Variants in PLB1 observed in about 807,000 individuals in gnomAD.
The protein encoded by PLB1 is phospholipase B1, also known as phospholipase B1, membrane-associated.
In PLB1, 242 loss-of-function variants were observed where a neutral mutation model predicts 227.4. That is an observed-to-expected ratio of 1.06 (90% CI 0.96 to 1.18). The LOEUF (loss-of-function observed/expected upper bound fraction) is 1.18, where lower values mean the gene tolerates loss of function less well. PLB1 is among the 50% of genes most tolerant of loss of function. PLB1 has a pLI of 0.00. For synonymous variants in PLB1, 757 were observed against 682.2 expected (o/e 1.11, Z -1.71); for missense variants, 1,858 against 1,816.3 (o/e 1.02, Z -0.42).
chr2:28,643,091 C>T lies in PLB1; in HGVS notation c.*30C>T, dbSNP rs1690151209. On this transcript the variant is annotated 3_prime_UTR_variant, in exon 58 of 58. Coordinates refer to ENST00000327757, the MANE Select transcript of PLB1 (RefSeq NM_153021.5). ...GGGGGTGGGTCCTCACCCTAAACTC[C>T]CTATAGCCACTCTCTTCACCGCCCT... is the stretch of plus-strand genomic sequence containing the variant. 3.9e-6 allele frequency: 6 copies of T among 1,535,368 alleles called. No individual in the cohort carries two copies. The highest frequency in any genetic ancestry group is 1.4e-5 in the African/African-American group (1 of 73,324).
intron 47 of PLB1, 120 bp from the exon 48 acceptor site, chr2:28,620,480 G>C (rs779739814): frequency 4.7e-5 from 66 of 1,394,628 alleles, no homozygotes; most frequent in Non-Finnish European, 6.4e-5. Context: ...TTACCCCTGA[G>C]GGTGATGGGA....
chr2:28,611,289 A>G (rs1369489895), intron 43 of PLB1, among the ~76,000 whole-genome samples: 2 of 152,102 alleles, frequency 1.3e-5, no homozygotes. Flanking sequence ...AATAGATTCA[A>G]TGAAACACAT....
chr2:28,578,110 T>G lies in PLB1; in HGVS notation c.1437T>G (p.Asp479Glu), dbSNP rs765720363. 1 of 1,614,068 alleles carries G rather than the reference T, an allele frequency of 6.2e-7. No individual in the cohort carries two copies. Among genetic ancestry groups the G allele is most frequent in the Non-Finnish European group, 8.5e-7 (1 of 1,179,952 alleles). Residue 479 changes from aspartate to glutamate, a missense_variant, in exon 22 of 58, where the codon GAT (aspartate) becomes GAG (glutamate). Asp to Glu is a conservative substitution (Grantham distance 45). Transcript: ENST00000327757. ...NQAVAGGRAEDLPVQARRLVD... is the reference protein window; with the variant it reads ...NQAVAGGRAEELPVQARRLVD... ...TTCCTCTGGTATGTTTCCACAGGGA[T>G]CTACCTGTCCAGGCCAGGAGGCTGG...
At chr2:28,565,419 G>A in intron 19 of PLB1, 66 bp downstream of exon 19, 3 of 1,439,470 alleles carry the variant, frequency 2.1e-6, no homozygotes, top group Non-Finnish European at 2.9e-6. Flanking sequence ...CCCCCTGAGT[G>A]TTCTAGAAAA....
At chr2:28,638,176 G>A (rs758220296) in intron 56 of PLB1, among the ~76,000 whole-genome samples, 1 of 151,870 alleles carries the variant, frequency 6.6e-6, no homozygotes, top group African/African-American at 2.4e-5. Flanking sequence ...GGTCATTTCT[G>A]ACCACATCTG....
At chr2:28,570,011 A>G (rs1369785355) in intron 20 of PLB1, among the ~76,000 whole-genome samples, 1 of 151,874 alleles carries the variant, frequency 6.6e-6, no homozygotes, top group Non-Finnish European at 1.5e-5. Flanking sequence ...ATAGATTTAT[A>G]ACAAGCAAAG....
chr2:28,585,466 G>A (rs545602072), intron 25 of PLB1: 7 of 298,116 alleles, frequency 2.3e-5, no homozygotes, highest in South Asian at 7.5e-5. Context: ...TAGTAGAGAC[G>A]GGGTTTCGCT....
chr2:28,519,046 A>G (rs1669179523), intron 3 of PLB1, among the ~76,000 whole-genome samples: 1 of 152,164 alleles, frequency 6.6e-6, no homozygotes, highest in Admixed American at 6.5e-5. Flanking sequence ...TAAGGACTTT[A>G]GGTTGAAAAA....
chr2:28,580,157 A>G (rs1415645372), intron 23 of PLB1, among the ~76,000 whole-genome samples: 2 of 152,190 alleles, frequency 1.3e-5, no homozygotes, highest in Non-Finnish European at 2.9e-5. Context: ...TGGGAAACCC[A>G]AGATCAAGGC....
intron 11 of PLB1, among the ~76,000 whole-genome samples, chr2:28,540,130 C>T (rs1450173110): frequency 2.0e-5 from 3 of 150,386 alleles, no homozygotes; most frequent in African/African-American, 7.3e-5. Flanking sequence ...AACGTCCCTC[C>T]ATCCAATACC....
At chr2:28,510,604 T>G (rs1668121092) in intron 1 of PLB1, among the ~76,000 whole-genome samples, 1 of 144,956 alleles carries the variant, frequency 6.9e-6, no homozygotes, top group Admixed American at 7.4e-5. Flanking sequence ...TGATTGTTTT[T>G]TCTTTTTTCT....
chr2:28,634,936 T>C (rs1188685346), intron 56 of PLB1, among the ~76,000 whole-genome samples: 1 of 151,634 alleles, frequency 6.6e-6, no homozygotes, highest in Non-Finnish European at 1.5e-5. Context: ...AAAAAAAATA[T>C]ATGTAGCTCT....
chr2:28,604,903 C>A (rs574644602), intron 41 of PLB1, 144 bp downstream of exon 41: 8 of 716,598 alleles, frequency 1.1e-5, no homozygotes, highest in Admixed American at 1.1e-4. Context: ...GCTCCCTGAA[C>A]GCCTGAGCCA....
At position 28,543,281 on chromosome 2, in the gene PLB1, G is replaced by T. The variant is rs1672759888; in HGVS notation, c.936+13G>T. On this transcript the variant is annotated intron_variant, in intron 14 of 57. Transcript: ENST00000327757. ...CTGGAATAGGATGGTGAGTAGATGG[G>T]GCCTGGGGTGGGGCCCACAGAGGAG... is the stretch of plus-strand genomic sequence containing the variant. 2 of 1,609,872 alleles carry T rather than the reference G, an allele frequency of 1.2e-6. No individual in the cohort carries two copies. The highest frequency in any genetic ancestry group is 1.7e-6 in the Non-Finnish European group (2 of 1,178,324).
intron 34 of PLB1, 30 bp from the exon 35 acceptor site, chr2:28,598,622 C>A: frequency 6.4e-7 from 1 of 1,553,178 alleles, no homozygotes; most frequent in South Asian, 1.1e-5. Context: ...TGTTCTGAGC[C>A]GTCTGCATCC....
intron 56 of PLB1, among the ~76,000 whole-genome samples, chr2:28,636,417 G>T (rs1313149774): frequency 6.6e-6 from 1 of 151,946 alleles, no homozygotes; most frequent in Non-Finnish European, 1.5e-5. Flanking sequence ...AAAATTCTTT[G>T]GTATATTTAA....
At position 28,582,514 on chromosome 2, in the gene PLB1, G is replaced by T; in HGVS notation, c.1733+9G>T. On this transcript the variant is annotated intron_variant, in intron 25 of 57. Coordinates refer to ENST00000327757, the MANE Select transcript of PLB1 (RefSeq NM_153021.5). ...CCAAGGATGATCCTCAGGTCAGACA[G>T]ATACTTCTCCCCGATTCTACTAAGA... is the stretch of plus-strand genomic sequence containing the variant. 1 of 1,584,382 alleles carries T rather than the reference G, an allele frequency of 6.3e-7. No individual in the cohort carries two copies.
chr2:28,592,436 T>C (rs978231158), intron 31 of PLB1, among the ~76,000 whole-genome samples: 2 of 151,608 alleles, frequency 1.3e-5, no homozygotes, highest in African/African-American at 4.8e-5. Context: ...TCTCCCTCCT[T>C]CTCCCTCTCT....
At chr2:28,591,031 G>A (rs1387102688) in intron 29 of PLB1, 102 bp from the exon 30 acceptor site, 6 of 1,447,452 alleles carry the variant, frequency 4.1e-6, no homozygotes, top group Non-Finnish European at 5.8e-6. Context: ...CACAGGGCAG[G>A]CAGGCCGCAG....
Sources: gnomAD v4.1 joint callset for allele counts (sites outside exome capture counted in the v4.1 genomes callset) on GRCh38, gnomAD v4.1.1 for gene constraint, MANE v1.5 for transcripts, NCBI Gene and HGNC (gene_info 2026-07-23, HGNC 2026-07-21) for gene names.